Variants in SARDH observed in about 807,000 individuals in gnomAD.
SARDH encodes sarcosine dehydrogenase, mitochondrial.
Under a neutral mutation model 109.1 loss-of-function variants are expected in SARDH, and 95 were observed. The observed-to-expected ratio is 0.87, with a 90% CI of 0.74 to 1.03. The LOEUF (loss-of-function observed/expected upper bound fraction) is 1.03, where lower values mean the gene tolerates loss of function less well. SARDH is among the 50% of genes least tolerant of loss of function. SARDH has a pLI of 0.00. For synonymous variants in SARDH, 572 were observed against 534.8 expected, an observed-to-expected ratio of 1.07 and a Z score of -0.96; for missense variants, 1,267 against 1,287.8, an observed-to-expected ratio of 0.98 and a Z score of 0.25.
intron 16 of SARDH, among the ~76,000 whole-genome samples, chr9:133,690,029 G>A (rs1006775267): frequency 3.3e-5 from 5 of 152,166 alleles, no homozygotes; most frequent in South Asian, 2.1e-4. Flanking sequence ...TCAAGGTGGC[G>A]TACAGAAATT....
chr9:133,738,387 C>G (rs950244786), upstream of SARDH: 1 of 152,138 alleles, frequency 6.6e-6, no homozygotes, highest in Non-Finnish European at 1.5e-5. Flanking sequence ...GCTGCCAGCC[C>G]CATGTCTCCG....
At position 133,731,373 on chromosome 9, in the gene SARDH, C is replaced by A; in HGVS notation, c.622G>T (p.Asp208Tyr). ...GTGCCAGCGGGGTCCATGGTACCGTCGTGCGGCACATACAGGGTCCCGTAG... is the reference window on the plus strand; with the variant it reads ...GTGCCAGCGGGGTCCATGGTACCGTAGTGCGGCACATACAGGGTCCCGTAG... ...DLYGTLYVPH[D>Y]GTMDPAGTCT... The change falls in exon 4 of 21, where the codon GAC (aspartate) becomes TAC (tyrosine). Residue 208 changes from aspartate (D) to tyrosine (Y), a missense_variant. By Grantham distance (160) the Asp-to-Tyr change is radical. Coordinates refer to ENST00000439388, the MANE Select transcript of SARDH (RefSeq NM_001134707.2). The A allele has an allele frequency of 6.2e-7, 1 of 1,614,206 alleles. No homozygotes were observed.
In SARDH at chr9:133,718,064, C is replaced by G. The variant is rs1755887840; in HGVS notation, c.1021-609G>C. 6.6e-6 allele frequency among the ~76,000 whole-genome samples: 1 copy of G among 152,096 alleles called. No individual in the cohort carries two copies. The highest frequency in any genetic ancestry group is 2.4e-5 in the African/African-American group (1 of 41,384). On this transcript the variant is annotated intron_variant, in intron 7 of 20. Coordinates refer to ENST00000439388, the MANE Select transcript of SARDH (RefSeq NM_001134707.2). The surrounding 1 kb of genome is among the most constrained non-coding windows in gnomAD (Gnocchi z 4.2). ...CGCGATCATCTTCCAGAATTTCATT[C>G]CTTGTTCATTTGTTTGTTTGTTTGT...
chr9:133,730,084 G>T lies in SARDH; in HGVS notation c.794C>A (p.Pro265His). Residue 265 changes from proline to histidine, a missense_variant, in exon 5 of 21, where the codon CCC becomes CAC. By Grantham distance (77) the Pro-to-His change is moderately conservative. Coordinates refer to ENST00000439388, the MANE Select transcript of SARDH (RefSeq NM_001134707.2). ...CGCACCTGCACAGTTGACCACGCAGGGTGTCTGGATGGAACCATGCTGAGT... is the reference window on the plus strand; with the variant it reads ...CGCACCTGCACAGTTGACCACGCAGTGTGTCTGGATGGAACCATGCTGAGT... ...VETQHGSIQT[P>H]CVVNCAGVWA... The T allele has an allele frequency of 6.2e-7, 1 of 1,614,178 alleles. No homozygotes were observed. Among genetic ancestry groups the T allele is most frequent in the Non-Finnish European group, 8.5e-7 (1 of 1,180,026 alleles).
At chr9:133,681,918 C>A (rs146303083) in intron 17 of SARDH, among the ~76,000 whole-genome samples, 2 of 151,996 alleles carry the variant, frequency 1.3e-5, no homozygotes, top group Non-Finnish European at 2.9e-5. Flanking sequence ...CCCCTCCCCC[C>A]CATCCCACAC....
intron 6 of SARDH, among the ~76,000 whole-genome samples, chr9:133,719,987 T>C (rs1832269252): frequency 6.6e-6 from 1 of 152,100 alleles, no homozygotes; most frequent in African/African-American, 2.4e-5. Context: ...GGCGGGCGCC[T>C]GTAGTCCCAG....
Position 133,729,870 on chromosome 9 carries a change from G to A in SARDH, c.815-5C>T, listed in dbSNP as rs780553272. On this transcript the variant is annotated splice_region_variant and splice_polypyrimidine_tract_variant and intron_variant, in intron 5 of 20. Coordinates refer to ENST00000439388, the MANE Select transcript of SARDH (RefSeq NM_001134707.2). The stretch of plus-strand genomic sequence containing the variant: ...CCACAGCACTTGCCCACACTCCTGC[G>A]GGCAGAGCACAGACAGCTCAGCTCT... 53 of 1,611,014 alleles carry A rather than the reference G, an allele frequency of 3.3e-5. No individual in the cohort carries two copies. The Admixed American group carries it at 3.3e-4, about 10-fold the overall frequency.
At chr9:133,688,254 G>A (rs897762710) in intron 16 of SARDH, among the ~76,000 whole-genome samples, 1 of 152,118 alleles carries the variant, frequency 6.6e-6, no homozygotes, top group Non-Finnish European at 1.5e-5. Flanking sequence ...TGATTCCACC[G>A]CATCCCAGTC....
In SARDH at chr9:133,673,587, C is replaced by T. The variant is rs574866794; in HGVS notation, c.2164-1890G>A. Reference sequence around the variant, plus strand: ...TGGATTCTAAAAGCTTTGGAAATAGCGCAAATTTGCTCTAAGTTGCCATTT... The same window carrying T: ...TGGATTCTAAAAGCTTTGGAAATAGTGCAAATTTGCTCTAAGTTGCCATTT... On this transcript the variant is annotated intron_variant, in intron 17 of 20. Coordinates refer to ENST00000439388, the MANE Select transcript of SARDH (RefSeq NM_001134707.2). Among the ~76,000 whole-genome samples the T allele has an allele frequency of 1.7e-4, 26 of 152,306 alleles. No homozygotes were observed. The South Asian group carries it at 2.3e-3, about 13-fold the overall frequency.
At chr9:133,687,233 C>T (rs957699267) in intron 16 of SARDH, among the ~76,000 whole-genome samples, 1 of 152,196 alleles carries the variant, frequency 6.6e-6, no homozygotes, top group East Asian at 1.9e-4. Flanking sequence ...TGCACGACAC[C>T]GTCTCTCCCA....
chr9:133,718,930 C>A lies in SARDH; in HGVS notation c.1020+8G>T. 1 of 1,605,956 alleles carries A rather than the reference C, an allele frequency of 6.2e-7. No homozygotes were observed. The highest frequency in any genetic ancestry group is 8.5e-7 in the Non-Finnish European group (1 of 1,172,664). Reference sequence around the variant, plus strand: ...CCCTCCCATTATCCCAGGGCCCTGGCATCTTACCTCCTCCCAAAAGATGGG... The same window carrying A: ...CCCTCCCATTATCCCAGGGCCCTGGAATCTTACCTCCTCCCAAAAGATGGG... On this transcript the variant is annotated splice_region_variant and intron_variant, in intron 7 of 20. Coordinates refer to ENST00000439388, the MANE Select transcript of SARDH (RefSeq NM_001134707.2). This position sits in a 1 kb window ranked among gnomAD's most constrained non-coding sequence, Gnocchi z 4.2.
chr9:133,697,994 T>A (rs1831343539), intron 13 of SARDH, among the ~76,000 whole-genome samples: 1 of 82,638 alleles, frequency 1.2e-5, no homozygotes, highest in African/African-American at 4.5e-5. Context: ...ATATAGGAAA[T>A]CCTAAGGAAT....
At position 133,703,018 on chromosome 9, in the gene SARDH, G is replaced by A; in HGVS notation, c.1566C>T (p.Tyr522=). ...HPRGPAPVLE[Y]DYYGAYGSRA... The stretch of plus-strand genomic sequence containing the variant: ...GGCTCCCGTAAGCCCCGTAGTAGTC[G>A]TACTCGAGGACCTGGGAAGAAAAGA... Residue 522 remains tyrosine (Y), a synonymous_variant, in exon 13 of 21, where the codon TAC becomes TAT. Coordinates refer to ENST00000439388, the MANE Select transcript of SARDH (RefSeq NM_001134707.2). 6.2e-7 allele frequency: 1 copy of A among 1,613,066 alleles called. No individual in the cohort carries two copies. Among genetic ancestry groups the A allele is most frequent in the Non-Finnish European group, 8.5e-7 (1 of 1,179,868 alleles).
chr9:133,679,058 G>A (rs969429328), intron 17 of SARDH, among the ~76,000 whole-genome samples: 1 of 152,122 alleles, frequency 6.6e-6, no homozygotes, highest in Non-Finnish European at 1.5e-5. Flanking sequence ...CCCGGGTGGG[G>A]GTCGAAGCTT....
rs1008360976 is a variant in SARDH at position 133,692,922 on chromosome 9, C to T, written c.1921+1336G>A. ...TAGGACCCCTCACTCACGCTCTCAG[C>T]CTCATCTCCGCCACCAGCCTCCAGA... On this transcript the variant is annotated intron_variant, in intron 15 of 20. Coordinates refer to ENST00000439388, the MANE Select transcript of SARDH (RefSeq NM_001134707.2). The surrounding 1 kb of genome is among the most constrained non-coding windows in gnomAD (Gnocchi z 5.0). 1.3e-4 allele frequency among the ~76,000 whole-genome samples: 20 copies of T among 152,276 alleles called. No homozygotes were observed. Among genetic ancestry groups the T allele is most frequent in the Admixed American group, 9.8e-4 (15 of 15,302 alleles).
In SARDH at chr9:133,692,133, C is replaced by T. The variant is rs1340402031; in HGVS notation, c.1922-1606G>A. On this transcript the variant is annotated intron_variant, in intron 15 of 20. Coordinates refer to ENST00000439388, the MANE Select transcript of SARDH (RefSeq NM_001134707.2). This position sits in a 1 kb window ranked among gnomAD's most constrained non-coding sequence, Gnocchi z 5.0. ...GGCTGCTCCCCAGCCCTCCCAGCAC[C>T]CCCAGACTCTGACTCAATTCTCCAT... 6.6e-6 allele frequency among the ~76,000 whole-genome samples: 1 copy of T among 152,184 alleles called. No homozygotes were observed. The highest frequency in any genetic ancestry group is 1.5e-5 in the Non-Finnish European group (1 of 68,026).
downstream of SARDH, among the ~76,000 whole-genome samples, chr9:133,662,954 CA>C (rs1829933710): frequency 6.6e-6 from 1 of 152,190 alleles, no homozygotes; most frequent in Admixed American, 6.5e-5. The surrounding 1 kb of genome is among the most constrained non-coding windows in gnomAD (Gnocchi z 5.1). Context: ...AGGCAGTTAT[CA>C]GGGGGAAGAG....
At position 133,731,363 on chromosome 9, in the gene SARDH, A is replaced by G. The variant is rs1270163406; in HGVS notation, c.632T>C (p.Met211Thr). ...GGTGGTACAGGTGCCAGCGGGGTCC[A>G]TGGTACCGTCGTGCGGCACATACAG... ...GTLYVPHDGT[M>T]DPAGTCTTLA... The change falls in exon 4 of 21, where the codon ATG (methionine) becomes ACG (threonine). Residue 211 changes from methionine to threonine, a missense_variant. Met to Thr is a moderately conservative substitution (Grantham distance 81). Transcript: ENST00000439388. The G allele has an allele frequency of 2.5e-6, 4 of 1,614,082 alleles. No individual in the cohort carries two copies. Among genetic ancestry groups the G allele is most frequent in the Non-Finnish European group, 3.4e-6 (4 of 1,180,044 alleles).
At chr9:133,717,543 G>A (rs1832171724) in intron 7 of SARDH, 88 bp from the exon 8 acceptor site, 14 of 1,547,714 alleles carry the variant, frequency 9.0e-6, no homozygotes, top group Non-Finnish European at 1.2e-5. Context: ...TGGCTGCCAG[G>A]CCAGCCTCTG....
Sources: allele counts gnomAD v4.1 joint callset (sites outside exome capture counted in the v4.1 genomes callset), GRCh38; gene constraint gnomAD v4.1.1; non-coding constraint Gnocchi (gnomAD v3.1); transcripts MANE v1.5; gene names NCBI Gene and HGNC (gene_info 2026-07-23, HGNC 2026-07-21).